The following ERC2 variants were observed in gnomAD, a reference collection of about 807,000 sequenced individuals.
ERC2 encodes ERC protein 2.
A neutral mutation model predicts 114.8 loss-of-function variants in ERC2; 42 were observed. That is an observed-to-expected ratio of 0.37 (90% CI 0.29 to 0.47). The LOEUF is 0.47. Among genes scored for constraint, ERC2 ranks in the 20% least tolerant of loss-of-function variants. The pLI is 0.99. For synonymous variants in ERC2, 454 were observed against 425.5 expected, an observed-to-expected ratio of 1.07 and a Z score of -0.82; for missense variants, 939 against 1,150.7, an observed-to-expected ratio of 0.82 and a Z score of 2.66.
intron 2 of ERC2, among the ~76,000 whole-genome samples, chr3:56,300,087 C>T (rs557785218): frequency 1.9e-4 from 29 of 151,632 alleles, no homozygotes; most frequent in African/African-American, 6.3e-4. Context: ...TTCCTGTGGG[C>T]AATAATGAAG....
rs906437193 is a variant in ERC2, at chr3:56,221,420, C to T, written c.1075-47900G>A. ...AAAAAAAAAAAAAAAGTAATTCTTG[C>T]TCATTGACTTTATTTATGCAGCATT... On this transcript the variant is annotated intron_variant, in intron 3 of 17. Transcript: ENST00000288221. Among the ~76,000 whole-genome samples the T allele has an allele frequency of 5.4e-4, 82 of 151,108 alleles. 1 individual carries two copies. The highest frequency in any genetic ancestry group is 8.6e-4 in the Non-Finnish European group (58 of 67,786).
chr3:55,772,775 G>A (rs1433093621), intron 14 of ERC2, among the ~76,000 whole-genome samples: 1 of 152,126 alleles, frequency 6.6e-6, no homozygotes, highest in African/African-American at 2.4e-5. Context: ...AACTCCTGCT[G>A]TAGTTACCCT....
rs542523953 is a variant in ERC2, at chr3:56,187,887, A to G, written c.1075-14367T>C. 2.6e-5 allele frequency among the ~76,000 whole-genome samples: 4 copies of G among 152,208 alleles called. No homozygotes were observed. In the East Asian group the frequency reaches 7.8e-4, roughly 30 times the overall value. ...TTAAGACATTGTATCTTCCCCTGTT[A>G]TCATCCCACTCTAACTTTAAGCTGG... On this transcript the variant is annotated intron_variant, in intron 3 of 17. Coordinates refer to ENST00000288221, the MANE Select transcript of ERC2 (RefSeq NM_015576.3).
rs533440330 is a variant in ERC2, at chr3:55,584,580, T to C, written c.*40-73304A>G. Among the ~76,000 whole-genome samples, 4 of 152,214 alleles carry C rather than the reference T, an allele frequency of 2.6e-5. No individual in the cohort carries two copies. In the South Asian group the frequency reaches 6.2e-4, roughly 24 times the overall value. ...TATTTAGTGTGGAGATGGTGAGGCA[T>C]TGGGGAACTCTGCTTGGAGAGGCCA... On this transcript the variant is annotated intron_variant, in intron 17 of 17. Transcript: ENST00000288221.
Position 55,982,124 on chromosome 3 carries a change from G to A in ERC2, c.2267+3853C>T, listed in dbSNP as rs990411202. On this transcript the variant is annotated intron_variant, in intron 12 of 17. Transcript: ENST00000288221. Reference sequence around the variant, plus strand: ...GATAAATCTCAGAATGAAAGGAGAGGCTGGCTGCACAGCTGGCAGGACAGT... The same window carrying A: ...GATAAATCTCAGAATGAAAGGAGAGACTGGCTGCACAGCTGGCAGGACAGT... 2.0e-5 allele frequency among the ~76,000 whole-genome samples: 3 copies of A among 152,266 alleles called. No homozygotes were observed. In the South Asian group the frequency reaches 6.2e-4, roughly 32 times the overall value.
Position 55,699,092 on chromosome 3 carries a change from G to A in ERC2, c.2847+286C>T, listed in dbSNP as rs767721523. 2.2e-4 allele frequency among the ~76,000 whole-genome samples: 34 copies of A among 152,128 alleles called. No homozygotes were observed. In the East Asian group the frequency reaches 3.7e-3, roughly 16 times the overall value. ...TGAAAGAGACATTCCAAAGTAACCC[G>A]CCATGAGATACCGAGCCAGCAATAG... On this transcript the variant is annotated intron_variant, in intron 16 of 17. Transcript: ENST00000288221.
At chr3:56,290,922 G>A (rs2055043949) in intron 3 of ERC2, among the ~76,000 whole-genome samples, 1 of 152,084 alleles carries the variant, frequency 6.6e-6, no homozygotes, top group Admixed American at 6.6e-5. Context: ...TAAAGACTTG[G>A]GTGCTCTTCT....
At chr3:55,690,003 T>C (rs984916709) in intron 16 of ERC2, among the ~76,000 whole-genome samples, 1 of 152,156 alleles carries the variant, frequency 6.6e-6, no homozygotes, top group Non-Finnish European at 1.5e-5. Flanking sequence ...AACAAATTAT[T>C]TGATATTACA....
At chr3:56,161,315 AC>A (rs2082036539) in intron 4 of ERC2, among the ~76,000 whole-genome samples, 1 of 152,166 alleles carries the variant, frequency 6.6e-6, no homozygotes, top group African/African-American at 2.4e-5. Context: ...TTTATGGAAT[AC>A]CCAGCCTCAG....
intron 17 of ERC2, among the ~76,000 whole-genome samples, chr3:55,559,348 A>C (rs1214299211): frequency 6.6e-6 from 1 of 152,272 alleles, no homozygotes; most frequent in Non-Finnish European, 1.5e-5. Context: ...TAGTGTGTGC[A>C]TGCACTTAAG....
At chr3:55,829,156 A>T (rs2060464248) in intron 14 of ERC2, among the ~76,000 whole-genome samples, 1 of 152,168 alleles carries the variant, frequency 6.6e-6, no homozygotes, top group Admixed American at 6.5e-5. Flanking sequence ...TCCTTGACAT[A>T]TAAAAAATAG....
intron 15 of ERC2, among the ~76,000 whole-genome samples, chr3:55,714,669 A>ATG (rs2063991947): frequency 3.5e-4 from 2 of 5,776 alleles, no homozygotes; most frequent in African/African-American, 1.4e-3. Flanking sequence ...GTGTGTGTGT[A>ATG]TATATATATA....
intron 13 of ERC2, among the ~76,000 whole-genome samples, chr3:55,931,698 C>G (rs1206653959): frequency 6.6e-6 from 1 of 151,820 alleles, no homozygotes; most frequent in Non-Finnish European, 1.5e-5. Flanking sequence ...ACATGTATAC[C>G]TATGTAATAA....
Position 55,510,587 on chromosome 3 carries a change from G to C in ERC2, c.*729C>G, listed in dbSNP as rs1039227252. 1 of 152,604 alleles carries C rather than the reference G, an allele frequency of 6.6e-6. No homozygotes were observed. Among genetic ancestry groups the C allele is most frequent in the Non-Finnish European group, 1.5e-5 (1 of 68,048 alleles). The allele number at this position is 152,604 out of a possible 1,614,324, so 9.5% of individuals were successfully genotyped here. A position where few individuals can be genotyped will look rare whatever the true frequency, so the allele number is the denominator to read the frequency against. ...CCATGTTCTCATAAGGCGATTTCTT[G>C]GCAAGCATTAGTGGTTTAAAAAATT... On this transcript the variant is annotated 3_prime_UTR_variant, in exon 18 of 18. Coordinates refer to ENST00000288221, the MANE Select transcript of ERC2 (RefSeq NM_015576.3).
chr3:56,040,972 C>T (rs1560073994), intron 7 of ERC2, among the ~76,000 whole-genome samples: 1 of 151,744 alleles, frequency 6.6e-6, no homozygotes, highest in East Asian at 2.0e-4. Context: ...GTGAGGTTTT[C>T]CACTTCTTAA....
At chr3:56,204,113 C>T (rs1166203690) in intron 3 of ERC2, among the ~76,000 whole-genome samples, 1 of 152,192 alleles carries the variant, frequency 6.6e-6, no homozygotes, top group Non-Finnish European at 1.5e-5. Context: ...TGCTTGAACA[C>T]AGGAGGCAGA....
intron 14 of ERC2, among the ~76,000 whole-genome samples, chr3:55,832,364 G>C (rs1446278860): frequency 1.3e-5 from 2 of 152,198 alleles, no homozygotes; most frequent in Non-Finnish European, 2.9e-5. Context: ...CCCCCAGTAG[G>C]GGCAGACTGA....
intron 14 of ERC2, among the ~76,000 whole-genome samples, chr3:55,808,384 T>G (rs1218839406): frequency 6.6e-6 from 1 of 152,112 alleles, no homozygotes; most frequent in Non-Finnish European, 1.5e-5. Context: ...CCAAAAGAGT[T>G]TGAAACAAAG....
At chr3:56,406,560 C>T (rs929241867) in intron 2 of ERC2, among the ~76,000 whole-genome samples, 2 of 152,194 alleles carry the variant, frequency 1.3e-5, no homozygotes, top group African/African-American at 2.4e-5. Flanking sequence ...TTTAATAAGG[C>T]TCTGCTATCA....
Sources: allele counts gnomAD v4.1 joint callset (sites outside exome capture counted in the v4.1 genomes callset), GRCh38; gene constraint gnomAD v4.1.1; transcripts MANE v1.5; gene names NCBI Gene and HGNC (gene_info 2026-07-23, HGNC 2026-07-21).